OSBP2: variants seen among roughly 807,000 people sequenced by gnomAD.
OSBP2 encodes the protein oxysterol-binding protein 2.
OSBP2 carries 66 observed loss-of-function variants against 96.0 expected under a neutral mutation model. The ratio of observed to expected loss-of-function variants is 0.69; its 90% CI spans 0.56 to 0.84. OSBP2 has a LOEUF of 0.84. OSBP2 is among the 40% of genes least tolerant of loss of function. The pLI is 0.00. For synonymous variants in OSBP2, 525 were observed against 520.9 expected (o/e 1.01, Z -0.11); for missense variants, 1,038 against 1,222.7 (o/e 0.85, Z 2.25).
At chr22:30,780,115 C>CA (rs2090496563) in intron 2 of OSBP2, among the ~76,000 whole-genome samples, 1 of 152,254 alleles carries the variant, frequency 6.6e-6, no homozygotes, top group Non-Finnish European at 1.5e-5. Flanking sequence ...ATCATTCAGG[C>CA]TGAGTGTTCA....
chr22:30,828,650 G>T (rs768176134), intron 2 of OSBP2, among the ~76,000 whole-genome samples: 4 of 152,234 alleles, frequency 2.6e-5, no homozygotes, highest in Non-Finnish European at 4.4e-5. Flanking sequence ...GGCACTGTAT[G>T]TAAGAGTGTC....
chr22:30,737,915 T>G (rs2089880230), intron 1 of OSBP2, among the ~76,000 whole-genome samples: 1 of 152,032 alleles, frequency 6.6e-6, no homozygotes, highest in Admixed American at 6.6e-5. Flanking sequence ...GGTTTCACTA[T>G]GTTGGCCAGG....
chr22:30,833,387 G>A (rs563618003), intron 2 of OSBP2, among the ~76,000 whole-genome samples: 2 of 152,242 alleles, frequency 1.3e-5, no homozygotes, highest in African/African-American at 2.4e-5. Flanking sequence ...TTTAAAATAA[G>A]CGTAATTCTG....
At chr22:30,864,049 C>T (rs1035142922) in intron 2 of OSBP2, among the ~76,000 whole-genome samples, 2 of 151,652 alleles carry the variant, frequency 1.3e-5, no homozygotes, top group African/African-American at 2.4e-5. Flanking sequence ...CAGCTTGCTA[C>T]AACCTCCGCC....
At chr22:30,720,493 A>G (rs114587437) in intron 1 of OSBP2, among the ~76,000 whole-genome samples, 3,504 of 152,190 alleles carry the variant, frequency 0.023, 140 homozygotes, top group African/African-American at 0.079. Flanking sequence ...TGGCTTTTCT[A>G]AGGGAGAGCG....
rs1174906907 is a variant in OSBP2 at position 30,905,945 on chromosome 22, G to A, written c.2484G>A (p.Leu828=). 6 of 1,612,246 alleles carry A rather than the reference G, an allele frequency of 3.7e-6. No individual in the cohort carries two copies. Among genetic ancestry groups the A allele is most frequent in the Non-Finnish European group, 5.1e-6 (6 of 1,179,468 alleles). Residue 828 remains leucine, a synonymous_variant, in exon 13 of 14, where the codon CTG becomes CTA. Coordinates refer to ENST00000332585, the MANE Select transcript of OSBP2 (RefSeq NM_030758.4). ...TDSRLRPDQR[L]MEKGRWDEAN... ...GCCGCCTGCGGCCCGACCAGCGGCTGATGGAGAAGGGCCGTTGGGACGAGG... is the reference window on the plus strand; with the variant it reads ...GCCGCCTGCGGCCCGACCAGCGGCTAATGGAGAAGGGCCGTTGGGACGAGG...
chr22:30,726,994 A>G (rs1367340130), intron 1 of OSBP2, among the ~76,000 whole-genome samples: 1 of 152,204 alleles, frequency 6.6e-6, no homozygotes, highest in South Asian at 2.1e-4. Context: ...AACCTGGGTG[A>G]CAAAAGTCTG....
chr22:30,793,884 A>G (rs2090716264), intron 2 of OSBP2, among the ~76,000 whole-genome samples: 2 of 152,168 alleles, frequency 1.3e-5, no homozygotes, highest in African/African-American at 4.8e-5. Context: ...TTCATACAGC[A>G]TTATTCACAG....
intron 2 of OSBP2, among the ~76,000 whole-genome samples, chr22:30,829,644 G>A (rs947666395): frequency 6.6e-5 from 10 of 152,194 alleles, no homozygotes; most frequent in Non-Finnish European, 1.3e-4. Flanking sequence ...TTTGTAAACT[G>A]TTGTAATAGT....
At chr22:30,845,540 T>A (rs2038849908) in intron 2 of OSBP2, among the ~76,000 whole-genome samples, 1 of 151,400 alleles carries the variant, frequency 6.6e-6, no homozygotes, top group South Asian at 2.1e-4. Context: ...ATAGACCTGC[T>A]CAATGCAGGG....
intron 2 of OSBP2, among the ~76,000 whole-genome samples, chr22:30,830,471 G>A (rs2038497827): frequency 6.6e-6 from 1 of 152,226 alleles, no homozygotes; most frequent in Admixed American, 6.5e-5. Context: ...TAGAGGACAA[G>A]TGTCTTTCCT....
At chr22:30,762,210 A>T (rs1179009237) in intron 2 of OSBP2, among the ~76,000 whole-genome samples, 2 of 152,102 alleles carry the variant, frequency 1.3e-5, no homozygotes, top group Non-Finnish European at 2.9e-5. Context: ...TGACAGAGTG[A>T]GACTCCATCT....
rs775145049 is a variant in OSBP2, at chr22:30,906,303, G to A, written c.2715G>A (p.Glu905=). Residue 905 remains glutamate, a synonymous_variant, in exon 14 of 14, where the codon GAG becomes GAA. Transcript: ENST00000332585. Reference sequence around the variant, plus strand: ...AGGGCGGCTACTGGGAGGCCAAGGAGAAGCAAGACTGGCATATGTGCCCCA... The same window carrying A: ...AGGGCGGCTACTGGGAGGCCAAGGAAAAGCAAGACTGGCATATGTGCCCCA... ...VYKGGYWEAK[E]KQDWHMCPNI... 6 of 1,613,544 alleles carry A rather than the reference G, an allele frequency of 3.7e-6. No homozygotes were observed. The highest frequency in any genetic ancestry group is 3.3e-5 in the South Asian group (3 of 91,030).
At chr22:30,807,611 C>T (rs1186933146) in intron 2 of OSBP2, among the ~76,000 whole-genome samples, 1 of 152,150 alleles carries the variant, frequency 6.6e-6, no homozygotes, top group African/African-American at 2.4e-5. Flanking sequence ...TGGGCCTGCT[C>T]TTCTCTCCCA....
upstream of OSBP2, chr22:30,694,274 G>A (rs1602131116): frequency 6.5e-7 from 1 of 1,549,912 alleles, no homozygotes; most frequent in South Asian, 1.2e-5. Flanking sequence ...AGCTGGCTCA[G>A]GAGGTGGAGG....
chr22:30,784,378 T>C (rs1342654892), intron 2 of OSBP2, among the ~76,000 whole-genome samples: 1 of 151,910 alleles, frequency 6.6e-6, no homozygotes, highest in Non-Finnish European at 1.5e-5. Flanking sequence ...CCCAACCTCC[T>C]GAGTAGCTGG....
chr22:30,719,984 C>T (rs2089522973), intron 1 of OSBP2, among the ~76,000 whole-genome samples: 1 of 152,144 alleles, frequency 6.6e-6, no homozygotes, highest in Admixed American at 6.5e-5. Context: ...TAACAGAGAG[C>T]AAACCTCTAA....
At chr22:30,706,662 C>T (rs1376066846) in intron 1 of OSBP2, among the ~76,000 whole-genome samples, 1 of 152,168 alleles carries the variant, frequency 6.6e-6, no homozygotes, top group Non-Finnish European at 1.5e-5. Context: ...CCTTCACAGC[C>T]AGGTCCTGCC....
In OSBP2 at chr22:30,765,556, C is replaced by T. The variant is rs775085652; in HGVS notation, c.853+24187C>T. 7.7e-4 allele frequency among the ~76,000 whole-genome samples: 117 copies of T among 152,336 alleles called. 1 individual carries two copies. The highest frequency in any genetic ancestry group is 6.0e-3 in the Admixed American group (92 of 15,300). On this transcript the variant is annotated intron_variant, in intron 2 of 13. Transcript: ENST00000332585. ...ATTCTACACAGGGCTCCTGCCAGCC[C>T]TCCAAGCTTCTCACTTTGAGAAGCA...
Sources: gnomAD v4.1 joint callset for allele counts (sites outside exome capture counted in the v4.1 genomes callset) on GRCh38, gnomAD v4.1.1 for gene constraint, MANE v1.5 for transcripts, NCBI Gene and HGNC (gene_info 2026-07-23, HGNC 2026-07-21) for gene names.